Variants in SLC4A10 observed in about 807,000 individuals in gnomAD.
SLC4A10 encodes solute carrier family 4 member 10, also known as sodium-driven chloride bicarbonate exchanger.
Under a neutral mutation model 137.7 loss-of-function variants are expected in SLC4A10, and 42 were observed. That is an observed-to-expected ratio of 0.30 (90% confidence interval 0.24 to 0.39). The LOEUF is 0.39. SLC4A10 is among the 10% of genes least tolerant of loss of function. The pLI, the probability that SLC4A10 is intolerant of heterozygous loss-of-function variation, is 1.00. For missense variants in SLC4A10, 925 were observed against 1,355.0 expected (o/e 0.68, Z 4.98); for synonymous variants, 474 against 464.1 (o/e 1.02, Z -0.27).
intron 5 of SLC4A10, among the ~76,000 whole-genome samples, chr2:161,858,070 C>G (rs1044652830): frequency 3.9e-5 from 6 of 152,084 alleles, no homozygotes; most frequent in Non-Finnish European, 8.8e-5. Context: ...TAACAATCAG[C>G]CCTGAAACTT....
chr2:161,872,982 G>A (rs1391105086), intron 7 of SLC4A10, among the ~76,000 whole-genome samples: 2 of 152,142 alleles, frequency 1.3e-5, no homozygotes, highest in Non-Finnish European at 2.9e-5. Context: ...TCAAAGTGCT[G>A]GGATTACAGG....
intron 1 of SLC4A10, among the ~76,000 whole-genome samples, chr2:161,714,013 A>T (rs1385302156): frequency 6.6e-6 from 1 of 151,878 alleles, no homozygotes; most frequent in Non-Finnish European, 1.5e-5. Context: ...ATGATCCATA[A>T]AAAGTATGTC....
At chr2:161,714,866 C>T (rs1383260120) in intron 1 of SLC4A10, among the ~76,000 whole-genome samples, 2 of 151,904 alleles carry the variant, frequency 1.3e-5, no homozygotes, top group Non-Finnish European at 2.9e-5. Context: ...TAAATTAATA[C>T]TTCAAACAGT....
chr2:161,772,177 A>C (rs1052874117), intron 2 of SLC4A10, among the ~76,000 whole-genome samples: 3 of 151,922 alleles, frequency 2.0e-5, no homozygotes, highest in Non-Finnish European at 4.4e-5. Flanking sequence ...ATCCACATTC[A>C]TTACATAAAT....
At chr2:161,800,470 C>G (rs939032062) in intron 2 of SLC4A10, among the ~76,000 whole-genome samples, 1 of 151,968 alleles carries the variant, frequency 6.6e-6, no homozygotes, top group Non-Finnish European at 1.5e-5. Context: ...TCAAAGATAC[C>G]TGCCTTGCTT....
At chr2:161,916,503 T>C (rs1687146786) in intron 15 of SLC4A10, among the ~76,000 whole-genome samples, 1 of 152,198 alleles carries the variant, frequency 6.6e-6, no homozygotes, top group Non-Finnish European at 1.5e-5. Context: ...CAAGAATTAT[T>C]CCTTCAAAAC....
chr2:161,819,495 A>T (rs2057424083), intron 3 of SLC4A10, among the ~76,000 whole-genome samples: 1 of 146,780 alleles, frequency 6.8e-6, no homozygotes, highest in Non-Finnish European at 1.5e-5. Flanking sequence ...AGCTGCTAAA[A>T]TTTCACTTTT....
At position 161,907,055 on chromosome 2, in the gene SLC4A10, C is replaced by CAAA. The variant is rs556899761; in HGVS notation, c.1997+1192_1997+1194dup. Reference sequence around the variant, plus strand: ...TGGGCGACAGAGCGAGACTCCGTCTCAAAAAAAAAAAAAAAAAAAAAAAAA... The same window carrying CAAA: ...TGGGCGACAGAGCGAGACTCCGTCTCAAAAAAAAAAAAAAAAAAAAAAAAAAAA... On this transcript the variant is annotated intron_variant, in intron 15 of 26. Transcript: ENST00000446997. Among the ~76,000 whole-genome samples, 90 of 90,928 alleles carry CAAA rather than the reference C, an allele frequency of 9.9e-4. 4 individuals carry two copies. In the East Asian group the frequency reaches 0.018, roughly 18 times the overall value. 59.7% of individuals were successfully genotyped at this position (90,928 alleles called of 152,430 possible). A position where few individuals can be genotyped will look rare whatever the true frequency, so the allele number is the denominator to read the frequency against.
chr2:161,821,243 G>T (rs1381026753), intron 3 of SLC4A10, among the ~76,000 whole-genome samples: 2 of 151,876 alleles, frequency 1.3e-5, no homozygotes, highest in Admixed American at 6.6e-5. Flanking sequence ...GTATTTTTTT[G>T]ATGTGGCTAC....
chr2:161,804,389 A>C, intron 2 of SLC4A10, 60 bp from the exon 3 acceptor site: 1 of 1,549,210 alleles, frequency 6.5e-7, no homozygotes, highest in Non-Finnish European at 8.8e-7. Context: ...CATGTAAATC[A>C]TCATATCTGT....
chr2:161,883,157 CG>C (rs1290918813), intron 10 of SLC4A10, among the ~76,000 whole-genome samples: 1 of 151,878 alleles, frequency 6.6e-6, no homozygotes, highest in Non-Finnish European at 1.5e-5. Context: ...TTATTGTTAA[CG>C]GGAAGAGCAG....
chr2:161,688,596 C>T (rs1448176007), intron 1 of SLC4A10, among the ~76,000 whole-genome samples: 2 of 152,090 alleles, frequency 1.3e-5, no homozygotes, highest in African/African-American at 4.8e-5. Flanking sequence ...AGAATTATTT[C>T]TTTAATGCTA....
At chr2:161,815,862 A>C (rs1170872380) in intron 3 of SLC4A10, among the ~76,000 whole-genome samples, 1 of 152,084 alleles carries the variant, frequency 6.6e-6, no homozygotes, top group Admixed American at 6.6e-5. Flanking sequence ...ATTTTTTGCC[A>C]CTATTTTTGG....
At chr2:161,879,326 A>G (rs773501144) in intron 9 of SLC4A10, 38 bp downstream of exon 9, 5 of 1,535,296 alleles carry the variant, frequency 3.3e-6, no homozygotes, top group Admixed American at 3.8e-5. Flanking sequence ...TTTTTCTTAA[A>G]CCATCTTTTC....
chr2:161,708,289 A>T (rs2043906044), intron 1 of SLC4A10, among the ~76,000 whole-genome samples: 1 of 151,514 alleles, frequency 6.6e-6, no homozygotes, highest in Non-Finnish European at 1.5e-5. Flanking sequence ...ATAAAGCCTA[A>T]AGCTTAGTCA....
chr2:161,812,953 T>C (rs1219925282), intron 3 of SLC4A10, among the ~76,000 whole-genome samples: 1 of 152,082 alleles, frequency 6.6e-6, no homozygotes, highest in Non-Finnish European at 1.5e-5. Context: ...TTATTATGAG[T>C]TTTGGTTTTG....
intron 1 of SLC4A10, among the ~76,000 whole-genome samples, chr2:161,712,302 C>T (rs2044374561): frequency 6.6e-6 from 1 of 151,842 alleles, no homozygotes; most frequent in Non-Finnish European, 1.5e-5. Flanking sequence ...CTACTTTATT[C>T]ATGACTGAAA....
chr2:161,893,184 T>G (rs1265379749), intron 10 of SLC4A10, among the ~76,000 whole-genome samples: 2 of 152,100 alleles, frequency 1.3e-5, no homozygotes, highest in African/African-American at 2.4e-5. Context: ...AGAAGTACAA[T>G]CTTACCATGT....
At chr2:161,816,521 G>C (rs1300869056) in intron 3 of SLC4A10, among the ~76,000 whole-genome samples, 1 of 151,834 alleles carries the variant, frequency 6.6e-6, no homozygotes, top group Non-Finnish European at 1.5e-5. Flanking sequence ...GGTACATGTG[G>C]ACAACGTGCA....
Sources: allele counts gnomAD v4.1 joint callset (sites outside exome capture counted in the v4.1 genomes callset), GRCh38; gene constraint gnomAD v4.1.1; transcripts MANE v1.5; gene names NCBI Gene and HGNC (gene_info 2026-07-23, HGNC 2026-07-21).